The following PARD3 variants were observed in gnomAD, a reference collection of about 807,000 sequenced individuals.
The protein encoded by PARD3 is partitioning defective 3 homolog.
PARD3 carries 75 observed loss-of-function variants against 155.4 expected under a neutral mutation model. That is an observed-to-expected ratio of 0.48 (90% CI 0.40 to 0.58). The LOEUF (loss-of-function observed/expected upper bound fraction) is 0.58, where lower values mean the gene tolerates loss of function less well. PARD3 is among the 20% of genes least tolerant of loss of function. The pLI is 0.00. For synonymous variants in PARD3, 576 were observed against 610.5 expected, an observed-to-expected ratio of 0.94 and a Z score of 0.83; for missense variants, 1,642 against 1,721.7, an observed-to-expected ratio of 0.95 and a Z score of 0.82.
chr10:34,275,005 T>G (rs917974282), intron 21 of PARD3, among the ~76,000 whole-genome samples: 1 of 152,160 alleles, frequency 6.6e-6, no homozygotes, highest in Non-Finnish European at 1.5e-5. Flanking sequence ...GCAGTCAATT[T>G]CTAACAAGTC....
chr10:34,542,234 T>TGCAC (rs1554889664), intron 2 of PARD3, among the ~76,000 whole-genome samples: 6,698 of 146,196 alleles, frequency 0.046, 238 homozygotes, highest in East Asian at 0.093. Flanking sequence ...TGTGTGTGTG[T>TGCAC]GTGTGCACAC....
At chr10:34,370,523 TC>T (rs1840478631) in intron 12 of PARD3, among the ~76,000 whole-genome samples, 1 of 152,128 alleles carries the variant, frequency 6.6e-6, no homozygotes, top group Non-Finnish European at 1.5e-5. Flanking sequence ...CAAGTGATCC[TC>T]CCAAAGTGCT....
chr10:34,348,134 G>C lies in PARD3; in HGVS notation c.2068-19C>G. ...ACTTCAGCTACAGAGTAACGGGTAT[G>C]GGGGCAAAGAAAAATCAGTACCTGG... On this transcript the variant is annotated intron_variant, in intron 14 of 24. Coordinates refer to ENST00000374788, the MANE Select transcript of PARD3 (RefSeq NM_001184785.2). 6.3e-7 allele frequency: 1 copy of C among 1,579,660 alleles called. No homozygotes were observed. The highest frequency in any genetic ancestry group is 1.2e-5 in the South Asian group (1 of 84,516).
intron 22 of PARD3, among the ~76,000 whole-genome samples, chr10:34,220,710 G>T (rs1429356609): frequency 6.6e-6 from 1 of 152,180 alleles, no homozygotes; most frequent in East Asian, 1.9e-4. Flanking sequence ...TCCTAGTTGG[G>T]AAGATTATGT....
chr10:34,608,244 C>T (rs1414336523), intron 2 of PARD3, among the ~76,000 whole-genome samples: 1 of 152,158 alleles, frequency 6.6e-6, no homozygotes, highest in Non-Finnish European at 1.5e-5. Flanking sequence ...TGACAGCCAC[C>T]CACAACCGTT....
At position 34,115,274 on chromosome 10, in the gene PARD3, C is replaced by T. The variant is rs749386743; in HGVS notation, c.3669-3712G>A. On this transcript the variant is annotated intron_variant, in intron 24 of 24. Transcript: ENST00000374788. ...CGAGGAAGTCAGACCACAGCAGACA[C>T]GGAGCCGAGGGAGGGGAGAAAGATG... Among the ~76,000 whole-genome samples, 39 of 151,874 alleles carry T rather than the reference C, an allele frequency of 2.6e-4. 1 individual carries two copies. The highest frequency in any genetic ancestry group is 1.5e-3 in the South Asian group (7 of 4,812).
rs184982353 is a variant in PARD3, at chr10:34,778,485, C to T, written c.120+36391G>A. ...TTGCTAAATGGCAAACATGAATTAA[C>T]AAGGGGGAAAATGCAGCAACAATCA... On this transcript the variant is annotated intron_variant, in intron 1 of 24. Transcript: ENST00000374788. Among the ~76,000 whole-genome samples, 3 of 152,240 alleles carry T rather than the reference C, an allele frequency of 2.0e-5. No homozygotes were observed. In the East Asian group the frequency reaches 5.8e-4, roughly 29 times the overall value.
At chr10:34,397,841 C>G (rs1346125286) in intron 7 of PARD3, among the ~76,000 whole-genome samples, 1 of 152,096 alleles carries the variant, frequency 6.6e-6, no homozygotes, top group Admixed American at 6.6e-5. Flanking sequence ...ATATGCATAT[C>G]GGGAAGCTAT....
At chr10:34,713,179 T>C (rs971641923) in intron 1 of PARD3, among the ~76,000 whole-genome samples, 12 of 151,928 alleles carry the variant, frequency 7.9e-5, no homozygotes, top group Non-Finnish European at 1.6e-4. Context: ...ACCACTGCAC[T>C]CCAGCCTAGG....
At chr10:34,446,825 T>C (rs17475284) in intron 5 of PARD3, among the ~76,000 whole-genome samples, 33,563 of 152,094 alleles carry the variant, frequency 0.22, 4,416 homozygotes, top group Non-Finnish European at 0.3. Context: ...ATACCCTACA[T>C]CCATGAAATT....
intron 4 of PARD3, among the ~76,000 whole-genome samples, chr10:34,466,128 T>C (rs1260867545): frequency 6.6e-6 from 1 of 152,120 alleles, no homozygotes; most frequent in Non-Finnish European, 1.5e-5. Context: ...AGCCACAAAA[T>C]ACTGGACACA....
At position 34,116,476 on chromosome 10, in the gene PARD3, A is replaced by T. The variant is rs531581658; in HGVS notation, c.3668+3137T>A. On this transcript the variant is annotated intron_variant, in intron 24 of 24. Transcript: ENST00000374788. ...ACTTGGACTTGACTCAAGCTCACGG[A>T]GGTGGTTGCAGTCCCCCCTGACCTC... is the stretch of plus-strand genomic sequence containing the variant. 1.5e-3 allele frequency among the ~76,000 whole-genome samples: 233 copies of T among 152,300 alleles called. 1 individual carries two copies. Among genetic ancestry groups the T allele is most frequent in the African/African-American group, 5.3e-3 (222 of 41,552 alleles).
intron 2 of PARD3, among the ~76,000 whole-genome samples, chr10:34,603,401 A>G (rs1252123435): frequency 1.3e-5 from 2 of 152,224 alleles, no homozygotes; most frequent in Admixed American, 6.5e-5. Flanking sequence ...GCCCAATGAC[A>G]TTATTAACTT....
chr10:34,139,533 T>A (rs1201832536), intron 22 of PARD3, among the ~76,000 whole-genome samples: 1 of 152,224 alleles, frequency 6.6e-6, no homozygotes, highest in East Asian at 1.9e-4. Context: ...ATTTTACTTG[T>A]ACCAATGGTT....
chr10:34,280,591 A>G (rs1303802170), intron 21 of PARD3, among the ~76,000 whole-genome samples: 1 of 152,218 alleles, frequency 6.6e-6, no homozygotes, highest in Admixed American at 6.5e-5. Context: ...GCCAGAAAGT[A>G]GAGACAGGTT....
chr10:34,714,611 T>C (rs985608513), intron 1 of PARD3, among the ~76,000 whole-genome samples: 16 of 152,086 alleles, frequency 1.1e-4, no homozygotes, highest in African/African-American at 2.4e-4. Context: ...CTCCTCAGGA[T>C]TGCTGATGTC....
In PARD3 at chr10:34,299,392, T is replaced by A. The variant is rs1196392641; in HGVS notation, c.3066-15147A>T. ...TACTCTCCAGTTGGTGATGGCTTCA[T>A]GCACTTTCTATTATGTTGGCTGTTA... On this transcript the variant is annotated intron_variant, in intron 20 of 24. Coordinates refer to ENST00000374788, the MANE Select transcript of PARD3 (RefSeq NM_001184785.2). Among the ~76,000 whole-genome samples the A allele has an allele frequency of 2.0e-5, 3 of 152,374 alleles. No homozygotes were observed. The South Asian group carries it at 6.2e-4, about 32-fold the overall frequency.
intron 19 of PARD3, among the ~76,000 whole-genome samples, chr10:34,325,338 C>T (rs1481432397): frequency 6.6e-6 from 1 of 152,128 alleles, no homozygotes; most frequent in Non-Finnish European, 1.5e-5. Context: ...CTGCCCCATA[C>T]ACACCAACCT....
chr10:34,717,800 T>C (rs1189510611), intron 1 of PARD3, among the ~76,000 whole-genome samples: 1 of 152,184 alleles, frequency 6.6e-6, no homozygotes, highest in Non-Finnish European at 1.5e-5. Context: ...ATAATTGTGT[T>C]ATGCAATAAC....
Sources: allele counts gnomAD v4.1 joint callset (sites outside exome capture counted in the v4.1 genomes callset), GRCh38; gene constraint gnomAD v4.1.1; transcripts MANE v1.5; gene names NCBI Gene and HGNC (gene_info 2026-07-23, HGNC 2026-07-21).